Variants in SRCAP observed in about 807,000 individuals in gnomAD.
SRCAP encodes the protein Snf2 related CREBBP activator protein.
In SRCAP, 46 loss-of-function variants were observed where a neutral mutation model predicts 263.1. The observed-to-expected ratio is 0.17, with a 90% CI of 0.14 to 0.22. The LOEUF is 0.22. Ranked by LOEUF, SRCAP falls within the 10% of genes least tolerant of loss-of-function variation. The pLI is 1.00. For synonymous variants in SRCAP, 1,813 were observed against 1,662.1 expected (o/e 1.09, Z -2.21); for missense variants, 3,695 against 4,181.9 (o/e 0.88, Z 3.21).
Position 30,738,862 on chromosome 16 carries a change from G to A in SRCAP, c.8822G>A (p.Arg2941Gln), listed in dbSNP as rs767454503. 1.9e-6 allele frequency: 3 copies of A among 1,614,090 alleles called. No homozygotes were observed. Among genetic ancestry groups the A allele is most frequent in the Non-Finnish European group, 2.5e-6 (3 of 1,180,026 alleles). The change falls in exon 34 of 34, where the codon CGA becomes CAA. Residue 2941 changes from arginine to glutamine, a missense_variant. Coordinates refer to ENST00000262518, the MANE Select transcript of SRCAP (RefSeq NM_006662.3). Reference sequence around the variant, plus strand: ...CCTGTGGAGAAAAGAAGGCGAGGACGACCCCCTAAAGCACGAGATTTGCCC... The same window carrying A: ...CCTGTGGAGAAAAGAAGGCGAGGACAACCCCCTAAAGCACGAGATTTGCCC... ...LSPVEKRRRG[R>Q]PPKARDLPIP...
chr16:30,705,950 C>G (rs532487439), intron 4 of SRCAP, among the ~76,000 whole-genome samples: 1 of 152,120 alleles, frequency 6.6e-6, no homozygotes, highest in South Asian at 2.1e-4. Context: ...GTGATCCACC[C>G]GCCTTGGCCT....
At position 30,733,176 on chromosome 16, in the gene SRCAP, T is replaced by G. The variant is rs1374987453; in HGVS notation, c.6128-104T>G. On this transcript the variant is annotated intron_variant, in intron 27 of 33. Transcript: ENST00000262518. This position sits in a 1 kb window ranked among gnomAD's most constrained non-coding sequence, Gnocchi z 5.3. ...TGATCTGCTAGGCTAATTGAAACTT[T>G]GGCTTAAAGCATTGATTATCTTTCA... 7.5e-7 allele frequency: 1 copy of G among 1,342,062 alleles called. No homozygotes were observed. The highest frequency in any genetic ancestry group is 1.5e-5 in the African/African-American group (1 of 68,818). 83.1% of individuals were successfully genotyped at this position (1,342,062 alleles called of 1,614,324 possible). A position where few individuals can be genotyped will look rare whatever the true frequency, so the allele number is the denominator to read the frequency against.
intron 21 of SRCAP, among the ~76,000 whole-genome samples, 194 bp downstream of exon 21, chr16:30,721,670 C>T (rs2053013038): frequency 6.6e-6 from 1 of 152,154 alleles, no homozygotes; most frequent in African/African-American, 2.4e-5. Flanking sequence ...TACGCCACTG[C>T]AATCATGAGC....
intron 8 of SRCAP, among the ~76,000 whole-genome samples, chr16:30,710,352 CTT>C (rs2052874245): frequency 6.6e-6 from 1 of 152,130 alleles, no homozygotes; most frequent in Non-Finnish European, 1.5e-5. Flanking sequence ...GCACTTTCCT[CTT>C]TAAATTGCTG....
At position 30,721,418 on chromosome 16, in the gene SRCAP, T is replaced by G; in HGVS notation, c.3483T>G (p.Ala1161=). 6.2e-7 allele frequency: 1 copy of G among 1,613,436 alleles called. No homozygotes were observed. Among genetic ancestry groups the G allele is most frequent in the East Asian group, 2.2e-5 (1 of 44,888 alleles). Residue 1161 remains alanine, a synonymous_variant, in exon 21 of 34, where the codon GCT becomes GCG. Transcript: ENST00000262518. ...CTGCTACCACCACAGCAGTGCCAGC[T>G]CCGACTCCTGCACCACAGCGCCTCA... ...TATATTTAVP[A]PTPAPQRLIL...
intron 4 of SRCAP, 28 bp from the exon 5 acceptor site, chr16:30,707,155 G>A: frequency 1.2e-6 from 2 of 1,612,544 alleles, no homozygotes; most frequent in Non-Finnish European, 1.7e-6. Flanking sequence ...GTTTAGAACT[G>A]TTGATTGATC....
rs139158885 is a variant in SRCAP, at chr16:30,729,177, G to C, written c.5870G>C (p.Arg1957Pro). Residue 1957 changes from arginine to proline, a missense_variant, in exon 26 of 34, where the codon CGG becomes CCG. Coordinates refer to ENST00000262518, the MANE Select transcript of SRCAP (RefSeq NM_006662.3). ...TGGACTTATACCGAGGCTGCCCACCGGGCTGTACTGTTTCCCCAGCAGCGA... is the reference window on the plus strand; with the variant it reads ...TGGACTTATACCGAGGCTGCCCACCCGGCTGTACTGTTTCCCCAGCAGCGA... The part of the protein sequence containing the change: ...TFWTYTEAAH[R>P]AVLFPQQRLD... 1.2e-6 allele frequency: 2 copies of C among 1,613,658 alleles called. No individual in the cohort carries two copies. Among genetic ancestry groups the C allele is most frequent in the Non-Finnish European group, 1.7e-6 (2 of 1,179,698 alleles).
In SRCAP at chr16:30,739,392, C is replaced by T. The variant is rs1436209432; in HGVS notation, c.9352C>T (p.Arg3118Cys). 6.8e-6 allele frequency: 11 copies of T among 1,614,100 alleles called. No individual in the cohort carries two copies. The highest frequency in any genetic ancestry group is 1.3e-5 in the African/African-American group (1 of 74,948). ...TGTGGTCTCACTAACCCCAAAACTG[C>T]GCTCGACCCGGCTGCGTCCAGGGTC... Reference protein sequence around the residue: ...PPVVSLTPKLRSTRLRPGSLV... With the variant: ...PPVVSLTPKLCSTRLRPGSLV... Residue 3118 changes from arginine to cysteine, a missense_variant, in exon 34 of 34, where the codon CGC (arginine) becomes TGC (cysteine). Around this residue, in one of 12 missense-constraint regions of SRCAP, gnomAD observed 1,207 missense variants for 1,142.9 expected, o/e 1.06. Coordinates refer to ENST00000262518, the MANE Select transcript of SRCAP (RefSeq NM_006662.3).
At chr16:30,711,162 A>C in intron 10 of SRCAP, 74 bp downstream of exon 10, 1 of 1,170,408 alleles carries the variant, frequency 8.5e-7, no homozygotes, top group Non-Finnish European at 1.3e-6. Flanking sequence ...TAAAGAGATG[A>C]ATAAGGCACT....
At chr16:30,734,279 G>T in intron 30 of SRCAP, 1 of 662,016 alleles carries the variant, frequency 1.5e-6, no homozygotes, top group South Asian at 2.1e-5. Context: ...AGAGGCGGAG[G>T]TTGCAGTGAG....
chr16:30,734,443 C>T, intron 30 of SRCAP, 53 bp from the exon 31 acceptor site: 8 of 1,610,588 alleles, frequency 5.0e-6, no homozygotes, highest in Non-Finnish European at 6.8e-6. Flanking sequence ...ACAGCTTAGA[C>T]CTAAGACTAG....
chr16:30,737,672 C>T lies in SRCAP; in HGVS notation c.7632C>T (p.Pro2544=), dbSNP rs1337902409. ...TCTCTGCCTCAGTCACTAATCTCCC[C>T]TTGGGCTTGAGGCCTGAGGCAGAGC... The part of the protein sequence containing the change: ...VPISASVTNL[P]LGLRPEAELC... Residue 2544 remains proline, a synonymous_variant, in exon 34 of 34, where the codon CCC becomes CCT. Transcript: ENST00000262518. The T allele has an allele frequency of 4.3e-6, 7 of 1,613,986 alleles. No individual in the cohort carries two copies. Among genetic ancestry groups the T allele is most frequent in the Non-Finnish European group, 5.9e-6 (7 of 1,180,034 alleles).
chr16:30,729,339 C>T, intron 26 of SRCAP, 31 bp from the exon 27 acceptor site: 1 of 1,613,074 alleles, frequency 6.2e-7, no homozygotes, highest in East Asian at 2.2e-5. Context: ...AGAGTCCCAT[C>T]TTTTACACTG....
At chr16:30,702,170 T>C (rs1004607368) in intron 3 of SRCAP, among the ~76,000 whole-genome samples, 1 of 151,360 alleles carries the variant, frequency 6.6e-6, no homozygotes, top group Non-Finnish European at 1.5e-5. Context: ...GCCAGGATGG[T>C]CTTCATCTTT....
At position 30,699,209 on chromosome 16, in the gene SRCAP, C is replaced by G; in HGVS notation, c.-317C>G. On this transcript the variant is annotated 5_prime_UTR_variant, in exon 1 of 34. Transcript: ENST00000262518. The stretch of plus-strand genomic sequence containing the variant: ...GAGGGCTAGGGAGATGGTCACGAAA[C>G]CTGAAGTCAAGAGTTAAGGCTTGTT... The G allele has an allele frequency of 2.5e-6, 1 of 398,716 alleles. No individual in the cohort carries two copies. The allele number at this position is 398,716 out of a possible 1,614,324, so 24.7% of individuals were successfully genotyped here.
At position 30,728,985 on chromosome 16, in the gene SRCAP, G is replaced by A. The variant is rs538215037; in HGVS notation, c.5678G>A (p.Arg1893Gln). The change falls in exon 26 of 34, where the codon CGG becomes CAG. Residue 1893 changes from arginine to glutamine, a missense_variant. By Grantham distance (43) the Arg-to-Gln change is conservative (BLOSUM62 1). Around this residue, in one of 12 missense-constraint regions of SRCAP, gnomAD observed 1,347 missense variants for 1,304.4 expected, o/e 1.03. Transcript: ENST00000262518. The part of the protein sequence containing the change: ...PFYLDSLEEK[R>Q]KRQRSERLER... Reference sequence around the variant, plus strand: ...CCCCAGGACTCCCTGGAGGAAAAGCGGAAGCGGCAGCGGTCTGAACGCCTG... The same window carrying A: ...CCCCAGGACTCCCTGGAGGAAAAGCAGAAGCGGCAGCGGTCTGAACGCCTG... 4.3e-6 allele frequency: 7 copies of A among 1,613,190 alleles called. No individual in the cohort carries two copies. The highest frequency in any genetic ancestry group is 2.2e-5 in the East Asian group (1 of 44,836).
At position 30,737,902 on chromosome 16, in the gene SRCAP, A is replaced by G. The variant is rs777632842; in HGVS notation, c.7862A>G (p.Glu2621Gly). ...GCTGGCAGCATCCCCAATGGTCAAG[A>G]GCAGGAGGCACCAGATTCTGCTGAG... The part of the protein sequence containing the change: ...LEAGSIPNGQ[E>G]QEAPDSAEGT... The change falls in exon 34 of 34, where the codon GAG becomes GGG. Residue 2621 changes from glutamate (E) to glycine (G), a missense_variant. By Grantham distance (98) the Glu-to-Gly change is moderately conservative. This residue lies in a region of SRCAP where 1,207 missense variants were observed against 1,142.9 expected (regional missense o/e 1.06). Coordinates refer to ENST00000262518, the MANE Select transcript of SRCAP (RefSeq NM_006662.3). 1.2e-6 allele frequency: 2 copies of G among 1,614,186 alleles called. No homozygotes were observed. The highest frequency in any genetic ancestry group is 1.7e-6 in the Non-Finnish European group (2 of 1,180,030).
chr16:30,731,462 T>C (rs1302193340), intron 27 of SRCAP, among the ~76,000 whole-genome samples: 2 of 152,176 alleles, frequency 1.3e-5, no homozygotes, highest in Non-Finnish European at 2.9e-5. Context: ...TCCTAGAATA[T>C]AAGAAAATCA....
At position 30,740,007 on chromosome 16, in the gene SRCAP, G is replaced by T. The variant is rs1380492403; in HGVS notation, c.*274G>T. ...CCACCCCCTTGTACTTGATTCCCCA[G>T]CTGTCTTTCACACAGCCCCCCACCC... On this transcript the variant is annotated 3_prime_UTR_variant, in exon 34 of 34. Transcript: ENST00000262518. 8.7e-6 allele frequency: 3 copies of T among 345,232 alleles called. No homozygotes were observed. The highest frequency in any genetic ancestry group is 1.5e-5 in the Non-Finnish European group (3 of 196,528). 21.4% of individuals were successfully genotyped at this position (345,232 alleles called of 1,614,324 possible). A position where few individuals can be genotyped will look rare whatever the true frequency, so the allele number is the denominator to read the frequency against.
Sources: gnomAD v4.1 joint callset for allele counts (sites outside exome capture counted in the v4.1 genomes callset) on GRCh38, gnomAD v4.1.1 for gene constraint, gnomAD v4.1.1 regional missense constraint, Gnocchi (gnomAD v3.1) non-coding constraint, MANE v1.5 for transcripts, NCBI Gene and HGNC (gene_info 2026-07-23, HGNC 2026-07-21) for gene names.